CFAP300: variants seen among roughly 807,000 people sequenced by gnomAD.
The protein encoded by CFAP300 is cilia and flagella associated protein 300.
A neutral mutation model predicts 33.0 loss-of-function variants in CFAP300; 32 were observed. The observed-to-expected ratio is 0.97, with a 90% confidence interval of 0.73 to 1.30. The LOEUF (loss-of-function observed/expected upper bound fraction) is 1.30. Among genes scored for constraint, CFAP300 ranks in the 50% most tolerant of loss-of-function variants. The probability of loss-of-function intolerance (pLI) is 0.00; values close to 1 mark genes in which losing one functional copy is unlikely to be tolerated. For synonymous variants in CFAP300, 102 were observed against 106.8 expected, an observed-to-expected ratio of 0.95 and a Z score of 0.28; for missense variants, 356 against 318.1, an observed-to-expected ratio of 1.12 and a Z score of -0.90.
chr11:102,059,033 A>G (rs1197919961), intron 3 of CFAP300, 78 bp downstream of exon 3: 1 of 835,604 alleles, frequency 1.2e-6, no homozygotes, highest in Non-Finnish European at 1.8e-6. Flanking sequence ...TCATTATTAA[A>G]ATATAAATTG....
At chr11:102,080,538 C>A (rs142022810) in intron 5 of CFAP300, among the ~76,000 whole-genome samples, 327 of 152,154 alleles carry the variant, frequency 2.1e-3, no homozygotes, top group Middle Eastern at 6.8e-3. Flanking sequence ...CTGCCTCAGC[C>A]TCCCGAGTAC....
At chr11:102,051,079 A>G (rs191467290) in intron 2 of CFAP300, among the ~76,000 whole-genome samples, 1 of 152,220 alleles carries the variant, frequency 6.6e-6, no homozygotes, top group Non-Finnish European at 1.5e-5. Context: ...GGAGAGGGGG[A>G]CATGTAGGAT....
At chr11:102,053,030 C>A (rs1941994375) in intron 2 of CFAP300, among the ~76,000 whole-genome samples, 1 of 151,966 alleles carries the variant, frequency 6.6e-6, no homozygotes, top group Non-Finnish European at 1.5e-5. Context: ...GAGTTCAAGA[C>A]CAGCCTGACC....
intron 3 of CFAP300, among the ~76,000 whole-genome samples, chr11:102,062,646 GAGAGATGA>G (rs1283468897): frequency 6.6e-6 from 1 of 152,208 alleles, no homozygotes; most frequent in East Asian, 1.9e-4. Context: ...TATGAAAGAA[GAGAGATGA>G]ATTGCAGAAG....
intron 3 of CFAP300, 65 bp from the exon 4 acceptor site, chr11:102,066,420 G>A: frequency 8.6e-7 from 1 of 1,156,868 alleles, no homozygotes. Flanking sequence ...GATTTATTTT[G>A]GAAATAGTTG....
intron 6 of CFAP300, among the ~76,000 whole-genome samples, chr11:102,082,836 A>C (rs1270423007): frequency 6.6e-6 from 1 of 152,084 alleles, no homozygotes; most frequent in African/African-American, 2.4e-5. Context: ...GTCTCTACTA[A>C]AAACACAAAA....
chr11:102,047,819 A>C lies in CFAP300; in HGVS notation c.115A>C (p.Met39Leu). The change falls in exon 2 of 7, where the codon ATG becomes CTG. Residue 39 changes from methionine to leucine, a missense_variant. Coordinates refer to ENST00000434758, the MANE Select transcript of CFAP300 (RefSeq NM_032930.3). ...CTTTTTCCTCCTCTGCCCCAGGTCCATGCTGGGCAGAATCAAGGCGCAGGC... is the reference window on the plus strand; with the variant it reads ...CTTTTTCCTCCTCTGCCCCAGGTCCCTGCTGGGCAGAATCAAGGCGCAGGC... ...EITSRLRQWS[M>L]LGRIKAQAFG... 2 of 1,614,092 alleles carry C rather than the reference A, an allele frequency of 1.2e-6. No individual in the cohort carries two copies. Among genetic ancestry groups the C allele is most frequent in the Non-Finnish European group, 1.7e-6 (2 of 1,180,016 alleles).
At chr11:102,080,254 T>G (rs1410971309) in intron 5 of CFAP300, among the ~76,000 whole-genome samples, 1 of 152,236 alleles carries the variant, frequency 6.6e-6, no homozygotes, top group African/African-American at 2.4e-5. Flanking sequence ...GTAGCTTATT[T>G]TCTCAATCCT....
At chr11:102,061,694 C>T (rs920436524) in intron 3 of CFAP300, among the ~76,000 whole-genome samples, 4 of 152,182 alleles carry the variant, frequency 2.6e-5, no homozygotes, top group African/African-American at 7.2e-5. Context: ...CAGTTTTACT[C>T]GACTGAGTGA....
intron 2 of CFAP300, among the ~76,000 whole-genome samples, chr11:102,054,728 C>CAAAAAAA (rs542071172): frequency 2.5e-4 from 18 of 70,916 alleles, no homozygotes; most frequent in Middle Eastern, 0.011. Flanking sequence ...GACTTGGTCT[C>CAAAAAAA]AAAAAAAAAA....
chr11:102,055,074 G>T (rs1272677091), intron 2 of CFAP300, among the ~76,000 whole-genome samples: 1 of 147,976 alleles, frequency 6.8e-6, no homozygotes, highest in Non-Finnish European at 1.5e-5. Context: ...TCTGCCTCCG[G>T]GATTCAAGCG....
intron 4 of CFAP300, among the ~76,000 whole-genome samples, chr11:102,074,216 G>A (rs987162095): frequency 6.6e-6 from 1 of 151,998 alleles, no homozygotes; most frequent in African/African-American, 2.4e-5. Flanking sequence ...ACTTGGAGGT[G>A]GGGGAGGGGT....
At chr11:102,069,147 A>C (rs1014569925) in intron 4 of CFAP300, among the ~76,000 whole-genome samples, 6 of 152,126 alleles carry the variant, frequency 3.9e-5, no homozygotes, top group Admixed American at 1.3e-4. Flanking sequence ...GAAATGCTGG[A>C]GCTCAGTGTT....
chr11:102,072,730 T>C (rs1243687023), intron 4 of CFAP300, among the ~76,000 whole-genome samples: 1 of 152,250 alleles, frequency 6.6e-6, no homozygotes. Flanking sequence ...CTTGTGTCCT[T>C]ATATTAATAT....
intron 5 of CFAP300, among the ~76,000 whole-genome samples, chr11:102,076,883 T>C (rs975976739): frequency 6.6e-6 from 1 of 152,192 alleles, no homozygotes. Flanking sequence ...GTTTCTATAA[T>C]CTCTCTGTGA....
rs754897284 is a variant in CFAP300 at position 102,066,575 on chromosome 11, T to C, written c.359T>C (p.Val120Ala). ...FFHRLYDEDI[V>A]RDSGHIVKCL... The stretch of plus-strand genomic sequence containing the variant: ...CATCGGTTATATGATGAAGATATTG[T>C]ACGAGACAGTGGACATATTGTTAAA... Residue 120 changes from valine to alanine, a missense_variant, in exon 4 of 7, where the codon GTA becomes GCA. Coordinates refer to ENST00000434758, the MANE Select transcript of CFAP300 (RefSeq NM_032930.3). 6.2e-7 allele frequency: 1 copy of C among 1,611,980 alleles called. No homozygotes were observed. The highest frequency in any genetic ancestry group is 8.5e-7 in the Non-Finnish European group (1 of 1,179,134).
intron 5 of CFAP300, 99 bp from the exon 6 acceptor site, chr11:102,081,116 A>G (rs1267777004): frequency 3.5e-6 from 3 of 858,658 alleles, no homozygotes; most frequent in Non-Finnish European, 5.3e-6. Flanking sequence ...TCCATGTTCT[A>G]TATGAATAAG....
chr11:102,062,468 T>C (rs2135028574), intron 3 of CFAP300, among the ~76,000 whole-genome samples: 1 of 152,294 alleles, frequency 6.6e-6, no homozygotes, highest in Non-Finnish European at 1.5e-5. Context: ...AGGGATATGT[T>C]ATTGGAAACT....
intron 2 of CFAP300, among the ~76,000 whole-genome samples, chr11:102,053,743 C>T (rs1942008199): frequency 6.6e-6 from 1 of 152,154 alleles, no homozygotes. Flanking sequence ...AAAAGAACTT[C>T]AGTGTTTTGC....
Sources: allele counts gnomAD v4.1 joint callset (sites outside exome capture counted in the v4.1 genomes callset), GRCh38; gene constraint gnomAD v4.1.1; transcripts MANE v1.5; gene names NCBI Gene and HGNC (gene_info 2026-07-23, HGNC 2026-07-21).